Variants in TBL1XR1 observed in about 807,000 individuals in gnomAD.
TBL1XR1 encodes the protein TBL1X/Y related 1, also known as F-box-like/WD repeat-containing protein TBL1XR1.
A neutral mutation model predicts 66.9 loss-of-function variants in TBL1XR1; 5 were observed. The ratio of observed to expected loss-of-function variants is 0.07; its 90% CI spans 0.04 to 0.16. The LOEUF (loss-of-function observed/expected upper bound fraction) is 0.16. Among genes scored for constraint, TBL1XR1 ranks in the 10% least tolerant of loss-of-function variants. The probability of loss-of-function intolerance (pLI) is 1.00; values close to 1 mark genes in which losing one functional copy is unlikely to be tolerated. For synonymous variants in TBL1XR1, 210 were observed against 206.0 expected (o/e 1.02, Z -0.17); for missense variants, 238 against 623.2 (o/e 0.38, Z 6.58).
chr3:177,026,002 C>CT, intron 15 of TBL1XR1: 1 of 287,538 alleles, frequency 3.5e-6, no homozygotes. Flanking sequence ...CAGGAACCAA[C>CT]TGCCTCTAGT....
At chr3:177,157,319 C>T (rs1317777066) in intron 1 of TBL1XR1, among the ~76,000 whole-genome samples, 1 of 152,210 alleles carries the variant, frequency 6.6e-6, no homozygotes, top group African/African-American at 2.4e-5. Context: ...CTCAGGGCCT[C>T]GTCCTCCATC....
intron 1 of TBL1XR1, among the ~76,000 whole-genome samples, chr3:177,165,340 A>T (rs1275844413): frequency 6.6e-6 from 1 of 152,216 alleles, no homozygotes; most frequent in Non-Finnish European, 1.5e-5. Flanking sequence ...GATGAAATAA[A>T]TCAAAGAACT....
chr3:177,073,050 A>C (rs1472692805), intron 2 of TBL1XR1, among the ~76,000 whole-genome samples: 1 of 152,164 alleles, frequency 6.6e-6, no homozygotes. Context: ...GGTGACAAAG[A>C]GAGAGTTTGA....
At chr3:177,069,163 G>A (rs567449005) in intron 2 of TBL1XR1, among the ~76,000 whole-genome samples, 6 of 152,216 alleles carry the variant, frequency 3.9e-5, no homozygotes, top group African/African-American at 1.4e-4. Flanking sequence ...CTTCAAAGAC[G>A]TGAGTCAGTA....
In TBL1XR1 at chr3:177,197,391, G is replaced by C. The variant is rs1485849180; in HGVS notation, c.-392C>G. ...CGGGGGCGCACGCGGCCGGCGGCGGGGGGAGGCGGCGCGCGGGGGAAGGGC... is the reference window on the plus strand; with the variant it reads ...CGGGGGCGCACGCGGCCGGCGGCGGCGGGAGGCGGCGCGCGGGGGAAGGGC... On this transcript the variant is annotated 5_prime_UTR_variant, in exon 1 of 16. Coordinates refer to ENST00000457928, the MANE Select transcript of TBL1XR1 (RefSeq NM_024665.7). The C allele has an allele frequency of 3.4e-5, 5 of 146,476 alleles. No homozygotes were observed. Among genetic ancestry groups the C allele is most frequent in the African/African-American group, 1.2e-4 (5 of 40,462 alleles). 9.1% of individuals were successfully genotyped at this position (146,476 alleles called of 1,614,324 possible).
In TBL1XR1 at chr3:177,024,706, CAAAAAAGAA is replaced by C. The variant is rs1712843112; in HGVS notation, c.*783_*791del. ...GCATTTAAGCCACATCACCAAAAAA[CAAAAAAGAA>C]AAAAAAAAAAAAAAAGCAAAACAAA... On this transcript the variant is annotated 3_prime_UTR_variant, in exon 16 of 16. Transcript: ENST00000457928. 1 of 40,818 alleles carries C rather than the reference CAAAAAAGAA, an allele frequency of 2.4e-5. No individual in the cohort carries two copies. The highest frequency in any genetic ancestry group is 5.0e-5 in the Non-Finnish European group (1 of 19,844). 2.5% of individuals were successfully genotyped at this position (40,818 alleles called of 1,614,324 possible). A position where few individuals can be genotyped will look rare whatever the true frequency, so the allele number is the denominator to read the frequency against.
chr3:177,200,247 C>A (rs1311316482), upstream of TBL1XR1, among the ~76,000 whole-genome samples: 1 of 152,238 alleles, frequency 6.6e-6, no homozygotes, highest in Non-Finnish European at 1.5e-5. Flanking sequence ...GTTGGGATTA[C>A]AGGCGTGAGC....
intron 10 of TBL1XR1, among the ~76,000 whole-genome samples, chr3:177,039,347 C>A (rs890971008): frequency 1.3e-5 from 2 of 152,140 alleles, no homozygotes; most frequent in African/African-American, 2.4e-5. Context: ...CTGTCAATTA[C>A]AAGAGTTAGA....
intron 1 of TBL1XR1, among the ~76,000 whole-genome samples, chr3:177,151,336 G>C (rs1730859494): frequency 6.6e-6 from 1 of 152,210 alleles, no homozygotes; most frequent in African/African-American, 2.4e-5. Context: ...CTTAGTTGAT[G>C]ATGGGGGTCC....
At chr3:177,175,359 C>A (rs1734033167) in intron 1 of TBL1XR1, among the ~76,000 whole-genome samples, 1 of 152,148 alleles carries the variant, frequency 6.6e-6, no homozygotes, top group African/African-American at 2.4e-5. Context: ...TATTTTAATT[C>A]TCTCTTCCAT....
At chr3:177,174,408 C>CAAAAAA (rs59132617) in intron 1 of TBL1XR1, among the ~76,000 whole-genome samples, 5 of 58,304 alleles carry the variant, frequency 8.6e-5, no homozygotes, top group African/African-American at 2.6e-4. Flanking sequence ...GACTCCATCT[C>CAAAAAA]AAAAAAAAAA....
chr3:177,133,996 G>A (rs1049909176), intron 1 of TBL1XR1, among the ~76,000 whole-genome samples: 2 of 151,844 alleles, frequency 1.3e-5, no homozygotes, highest in Non-Finnish European at 2.9e-5. Context: ...CAGTCTTGGG[G>A]TTTTCAATCA....
intron 1 of TBL1XR1, among the ~76,000 whole-genome samples, chr3:177,153,703 CAT>C (rs1337471633): frequency 1.3e-5 from 2 of 151,922 alleles, no homozygotes; most frequent in African/African-American, 4.8e-5. Flanking sequence ...GCCTGGCAGA[CAT>C]GATGAAACCC....
intron 2 of TBL1XR1, among the ~76,000 whole-genome samples, chr3:177,087,421 G>A (rs899309458): frequency 2.0e-5 from 3 of 151,756 alleles, no homozygotes; most frequent in African/African-American, 7.3e-5. Context: ...ACATATAGAG[G>A]GTTGTGAATT....
intron 1 of TBL1XR1, among the ~76,000 whole-genome samples, chr3:177,191,857 A>C (rs1180707190): frequency 4.6e-5 from 7 of 152,044 alleles, no homozygotes; most frequent in Non-Finnish European, 7.4e-5. Flanking sequence ...TAATCCCAGC[A>C]CTTTGGGAGG....
intron 2 of TBL1XR1, among the ~76,000 whole-genome samples, chr3:177,069,761 AAAGAAAGG>A (rs1250299157): frequency 7.4e-6 from 1 of 134,850 alleles, no homozygotes; most frequent in African/African-American, 2.8e-5. Flanking sequence ...AAAGGAAAGG[AAAGAAAGG>A]AAGGAAAGGA....
intron 1 of TBL1XR1, among the ~76,000 whole-genome samples, chr3:177,114,997 A>G (rs1726131052): frequency 6.6e-6 from 1 of 151,228 alleles, no homozygotes; most frequent in African/African-American, 2.4e-5. Flanking sequence ...AAAAAATAAT[A>G]ATAATAATAA....
chr3:177,070,199 A>C (rs568812067), intron 2 of TBL1XR1, among the ~76,000 whole-genome samples: 1 of 152,276 alleles, frequency 6.6e-6, no homozygotes, highest in East Asian at 1.9e-4. Context: ...ATTAGCTACA[A>C]ATTTATTTCT....
intron 3 of TBL1XR1, among the ~76,000 whole-genome samples, chr3:177,061,905 A>G (rs1718564104): frequency 6.6e-6 from 1 of 152,230 alleles, no homozygotes; most frequent in African/African-American, 2.4e-5. Flanking sequence ...ATTGGAGATC[A>G]GAACCAAAAA....
Sources: allele counts gnomAD v4.1 joint callset (sites outside exome capture counted in the v4.1 genomes callset), GRCh38; gene constraint gnomAD v4.1.1; transcripts MANE v1.5; gene names NCBI Gene and HGNC (gene_info 2026-07-23, HGNC 2026-07-21).